Variants in TNNI3K observed in about 807,000 individuals in gnomAD.
The protein encoded by TNNI3K is TNNI3 interacting kinase.
TNNI3K carries 140 observed loss-of-function variants against 114.5 expected under a neutral mutation model. That is an observed-to-expected ratio of 1.22 (90% CI 1.07 to 1.41). The LOEUF is 1.41. Ranked by LOEUF, TNNI3K falls within the 40% of genes most tolerant of loss-of-function variation. The pLI is 0.00. For missense variants in TNNI3K, 1,125 were observed against 1,007.6 expected (o/e 1.12, Z -1.58); for synonymous variants, 347 against 347.5 (o/e 1.00, Z 0.02).
intron 5 of TNNI3K, among the ~76,000 whole-genome samples, chr1:74,324,695 G>A (rs1219180748): frequency 1.3e-5 from 2 of 152,164 alleles, no homozygotes; most frequent in South Asian, 2.1e-4. Context: ...CACGTGGGGA[G>A]CAAGAGAGAG....
intron 7 of TNNI3K, among the ~76,000 whole-genome samples, chr1:74,338,761 G>A (rs1303493447): frequency 3.9e-5 from 6 of 152,100 alleles, no homozygotes; most frequent in Admixed American, 2.6e-4. Context: ...TTGTAAACAA[G>A]GGCCACTTTA....
At chr1:74,313,538 C>T (rs567163431) in intron 5 of TNNI3K, among the ~76,000 whole-genome samples, 2 of 152,244 alleles carry the variant, frequency 1.3e-5, no homozygotes, top group South Asian at 4.1e-4. Context: ...GCTTTTAGAG[C>T]CTCACTAAGG....
chr1:74,375,470 A>G (rs1662859110), intron 17 of TNNI3K: 2 of 430,824 alleles, frequency 4.6e-6, no homozygotes, highest in South Asian at 3.2e-5. Context: ...GGAATCACAT[A>G]GCTGGAGACT....
chr1:74,515,925 C>T (rs562909496), intron 23 of TNNI3K, among the ~76,000 whole-genome samples: 12 of 152,268 alleles, frequency 7.9e-5, no homozygotes, highest in African/African-American at 2.9e-4. Flanking sequence ...CTCCTGGCTG[C>T]CTTCAAGGTT....
intron 17 of TNNI3K, among the ~76,000 whole-genome samples, chr1:74,422,037 T>A (rs1381450079): frequency 2.0e-5 from 3 of 151,256 alleles, no homozygotes; most frequent in African/African-American, 7.3e-5. Context: ...TTTAGAAACC[T>A]ACTCCTCATA....
At chr1:74,317,051 T>C (rs578099041) in intron 5 of TNNI3K, among the ~76,000 whole-genome samples, 1 of 152,336 alleles carries the variant, frequency 6.6e-6, no homozygotes, top group Admixed American at 6.5e-5. Flanking sequence ...AGTCTATCTT[T>C]TATTTCCTTT....
intron 21 of TNNI3K, among the ~76,000 whole-genome samples, chr1:74,479,231 A>G (rs892106248): frequency 1.3e-5 from 2 of 152,176 alleles, no homozygotes; most frequent in Non-Finnish European, 2.9e-5. Context: ...AGCATAGAGG[A>G]AAACACACAC....
chr1:74,353,791 A>G (rs562937530), intron 10 of TNNI3K, among the ~76,000 whole-genome samples, 189 bp from the exon 11 acceptor site: 3 of 152,338 alleles, frequency 2.0e-5, no homozygotes, highest in African/African-American at 7.2e-5. Flanking sequence ...TGAGTACAAT[A>G]TAATACCCGT....
chr1:74,477,557 G>C (rs1433793092), intron 21 of TNNI3K, among the ~76,000 whole-genome samples: 1 of 152,086 alleles, frequency 6.6e-6, no homozygotes, highest in Non-Finnish European at 1.5e-5. Flanking sequence ...GGAACAAAAG[G>C]GCTAAGTTTT....
In TNNI3K at chr1:74,257,962, C is replaced by T. The variant is rs968640723; in HGVS notation, c.333+7193C>T. On this transcript the variant is annotated intron_variant, in intron 4 of 24. Coordinates refer to ENST00000326637, the MANE Select transcript of TNNI3K (RefSeq NM_015978.3). Reference sequence around the variant, plus strand: ...GATTACAGGCGTGAGCCACCGTGCCCGGCCGCCTCTCGGCATACCTCTTAT... The same window carrying T: ...GATTACAGGCGTGAGCCACCGTGCCTGGCCGCCTCTCGGCATACCTCTTAT... 4.6e-5 allele frequency among the ~76,000 whole-genome samples: 7 copies of T among 152,120 alleles called. No homozygotes were observed. The East Asian group carries it at 5.8e-4, about 13-fold the overall frequency.
In TNNI3K at chr1:74,395,750, G is replaced by A. The variant is rs142690291; in HGVS notation, c.1772+25358G>A. Among the ~76,000 whole-genome samples the A allele has an allele frequency of 4.7e-3, 720 of 152,264 alleles. 4 individuals are homozygous for A. The highest frequency in any genetic ancestry group is 0.016 in the African/African-American group (666 of 41,546). ...GCGGGGGCTGAGTACACAGGGAAAA[G>A]CTCAGACACAGAGACTAACTGAAAA... On this transcript the variant is annotated intron_variant, in intron 17 of 24. Coordinates refer to ENST00000326637, the MANE Select transcript of TNNI3K (RefSeq NM_015978.3).
intron 19 of TNNI3K, chr1:74,439,278 T>C: frequency 1.8e-6 from 1 of 540,720 alleles, no homozygotes. Flanking sequence ...AAAATGCCCT[T>C]TGAGGAACTG....
intron 21 of TNNI3K, among the ~76,000 whole-genome samples, chr1:74,476,329 A>G (rs1354246640): frequency 6.6e-6 from 1 of 152,098 alleles, no homozygotes; most frequent in Non-Finnish European, 1.5e-5. Context: ...GGCATCCTCA[A>G]CCACCTAAAT....
intron 5 of TNNI3K, among the ~76,000 whole-genome samples, chr1:74,326,203 T>G (rs1480511585): frequency 6.6e-6 from 1 of 152,182 alleles, no homozygotes; most frequent in Non-Finnish European, 1.5e-5. Context: ...TATGAGACAC[T>G]GTATTTGGTT....
chr1:74,520,797 T>G (rs45453400), intron 23 of TNNI3K, among the ~76,000 whole-genome samples: 4,184 of 152,120 alleles, frequency 0.028, 201 homozygotes, highest in African/African-American at 0.094. Flanking sequence ...AACATGTGGG[T>G]TGCAGCTGGG....
At chr1:74,251,635 G>C (rs1290356177) in intron 4 of TNNI3K, among the ~76,000 whole-genome samples, 1 of 152,072 alleles carries the variant, frequency 6.6e-6, no homozygotes, top group Admixed American at 6.6e-5. Flanking sequence ...ATTTTCAAGC[G>C]AGTCTGTGAC....
intron 17 of TNNI3K, among the ~76,000 whole-genome samples, chr1:74,422,671 C>T (rs781026334): frequency 1.3e-5 from 2 of 152,008 alleles, no homozygotes; most frequent in African/African-American, 4.8e-5. Flanking sequence ...CATTTGTTTT[C>T]TTGACTATAC....
rs1659344594 is a variant in TNNI3K, at chr1:74,316,922, ATC to A, written c.445-14525_445-14524del. Among the ~76,000 whole-genome samples the A allele has an allele frequency of 2.6e-5, 4 of 151,020 alleles. No homozygotes were observed. The South Asian group carries it at 8.4e-4, about 32-fold the overall frequency. Reference sequence around the variant, plus strand: ...CACCATGATAGCCGGAATTGTCTCGATCTCCTGACCTCGTGATCTGCCCACCT... The same window carrying A: ...CACCATGATAGCCGGAATTGTCTCGATCCTGACCTCGTGATCTGCCCACCT... On this transcript the variant is annotated intron_variant, in intron 5 of 24. Transcript: ENST00000326637.
At chr1:74,343,265 T>C (rs1660841142) in intron 9 of TNNI3K, 86 bp downstream of exon 9, 2 of 1,376,416 alleles carry the variant, frequency 1.5e-6, no homozygotes, top group Non-Finnish European at 2.0e-6. Flanking sequence ...CAAGAACAAA[T>C]AGTGGCAGAT....
Sources: allele counts gnomAD v4.1 joint callset (sites outside exome capture counted in the v4.1 genomes callset), GRCh38; gene constraint gnomAD v4.1.1; transcripts MANE v1.5; gene names NCBI Gene and HGNC (gene_info 2026-07-23, HGNC 2026-07-21).